ITPR3: variants seen among roughly 807,000 people sequenced by gnomAD.
The protein encoded by ITPR3 is inositol 1,4,5-trisphosphate-gated calcium channel ITPR3.
Under a neutral mutation model 293.2 loss-of-function variants are expected in ITPR3, and 173 were observed. That is an observed-to-expected ratio of 0.59 (90% CI 0.52 to 0.67). The LOEUF (loss-of-function observed/expected upper bound fraction) is 0.67. Ranked by LOEUF, ITPR3 falls within the 30% of genes least tolerant of loss-of-function variation. ITPR3 has a pLI of 0.00. For synonymous variants in ITPR3, 1,295 were observed against 1,444.4 expected (o/e 0.90, Z 2.35); for missense variants, 2,796 against 3,592.1 (o/e 0.78, Z 5.66).
At position 33,657,988 on chromosome 6, in the gene ITPR3, G is replaced by C. The variant is rs1254739287; in HGVS notation, c.339G>C (p.Gly113=). The change falls in exon 4 of 58, where the codon GGG becomes GGC. Residue 113 remains glycine, a synonymous_variant. Coordinates refer to ENST00000605930, the MANE Select transcript of ITPR3 (RefSeq NM_002224.4). ...QNDTENKKVH[G]DVVKYGSVIQ... Reference sequence around the variant, plus strand: ...ACACGGAGAACAAGAAGGTGCATGGGGATGTCGTGAAGTATGGCAGTGTGA... The same window carrying C: ...ACACGGAGAACAAGAAGGTGCATGGCGATGTCGTGAAGTATGGCAGTGTGA... 6 of 1,613,818 alleles carry C rather than the reference G, an allele frequency of 3.7e-6. No homozygotes were observed. Among genetic ancestry groups the C allele is most frequent in the Non-Finnish European group, 5.1e-6 (6 of 1,179,916 alleles).
chr6:33,667,879 A>T lies in ITPR3; in HGVS notation c.1801A>T (p.Asn601Tyr), dbSNP rs1394112254. 1 of 1,614,012 alleles carries T rather than the reference A, an allele frequency of 6.2e-7. No individual in the cohort carries two copies. The highest frequency in any genetic ancestry group is 8.5e-7 in the Non-Finnish European group (1 of 1,180,006). Residue 601 changes from asparagine (N) to tyrosine (Y), a missense_variant, in exon 16 of 58, where the codon AAC becomes TAC. Around this residue, in one of 8 missense-constraint regions of ITPR3, gnomAD observed 955 missense variants for 1,180.8 expected, o/e 0.81. Transcript: ENST00000605930. The surrounding 1 kb of genome is among the most constrained non-coding windows in gnomAD (Gnocchi z 4.4). ...GGACACCATCACTGCCCTGCTGCAC[A>T]ACAACCGCAAGCTCCTGGAAAAGCA... ...AEDTITALLH[N>Y]NRKLLEKHIT...
At chr6:33,631,691 A>G (rs1218205021) in intron 1 of ITPR3, among the ~76,000 whole-genome samples, 5 of 152,214 alleles carry the variant, frequency 3.3e-5, no homozygotes, top group Non-Finnish European at 2.9e-5. Context: ...GCCTTCCACA[A>G]GAAGCTGGTG....
intron 33 of ITPR3, among the ~76,000 whole-genome samples, chr6:33,681,692 C>T (rs1010571851): frequency 2.0e-5 from 3 of 152,044 alleles, no homozygotes; most frequent in African/African-American, 7.3e-5. Flanking sequence ...GGGGTGGGAT[C>T]GTGCTTCTAA....
In ITPR3 at chr6:33,682,373, C is replaced by A. The variant is rs746684647; in HGVS notation, c.4477-151C>A. 3 of 895,898 alleles carry A rather than the reference C, an allele frequency of 3.3e-6. No homozygotes were observed. The highest frequency in any genetic ancestry group is 4.9e-6 in the Non-Finnish European group (3 of 612,754). The allele number at this position is 895,898 out of a possible 1,614,324, so 55.5% of individuals were successfully genotyped here. A position where few individuals can be genotyped will look rare whatever the true frequency, so the allele number is the denominator to read the frequency against. On this transcript the variant is annotated intron_variant, in intron 33 of 57. Transcript: ENST00000605930. This position sits in a 1 kb window ranked among gnomAD's most constrained non-coding sequence, Gnocchi z 5.4. Reference sequence around the variant, plus strand: ...TGCACTGCTGAAGGGAATACAAGTACCTTTTTCCAACTGGCACAGAGGCAC... The same window carrying A: ...TGCACTGCTGAAGGGAATACAAGTAACTTTTTCCAACTGGCACAGAGGCAC...
chr6:33,623,188 G>A (rs1763477535), intron 1 of ITPR3, among the ~76,000 whole-genome samples: 1 of 152,140 alleles, frequency 6.6e-6, no homozygotes. Context: ...GGGACTGGGA[G>A]GGACATAGGG....
intron 1 of ITPR3, among the ~76,000 whole-genome samples, chr6:33,627,132 A>G (rs1763565697): frequency 6.6e-6 from 1 of 152,152 alleles, no homozygotes; most frequent in Non-Finnish European, 1.5e-5. Context: ...TTGTGATTTC[A>G]TTGGAAGAAG....
chr6:33,662,018 G>C (rs1199547346), intron 7 of ITPR3, among the ~76,000 whole-genome samples: 4 of 53,484 alleles, frequency 7.5e-5, no homozygotes, highest in Admixed American at 4.5e-4. Context: ...AAAAAAAAAA[G>C]ACAGGATCCA....
At position 33,667,254 on chromosome 6, in the gene ITPR3, G is replaced by C. The variant is rs745663110; in HGVS notation, c.1677G>C (p.Val559=). 3 of 1,613,228 alleles carry C rather than the reference G, an allele frequency of 1.9e-6. No individual in the cohort carries two copies. The highest frequency in any genetic ancestry group is 1.7e-6 in the Non-Finnish European group (2 of 1,179,970). The change falls in exon 15 of 58, where the codon GTG becomes GTC. Residue 559 remains valine (V), a synonymous_variant. Coordinates refer to ENST00000605930, the MANE Select transcript of ITPR3 (RefSeq NM_002224.4). This position sits in a 1 kb window ranked among gnomAD's most constrained non-coding sequence, Gnocchi z 4.4. ...ACATGTTCCGCCTGTGCTACCGCGT[G>C]TTGCGGCATTCCCAGGAGGACTACC... ...YQHMFRLCYR[V]LRHSQEDYRK...
At chr6:33,671,141 A>G in intron 20 of ITPR3, 24 bp from the exon 21 acceptor site, 1 of 1,611,690 alleles carries the variant, frequency 6.2e-7, no homozygotes, top group Non-Finnish European at 8.5e-7. Context: ...CTCCCACCTC[A>G]CCTCGGCCAC....
chr6:33,673,307 G>A (rs528183245), intron 22 of ITPR3, among the ~76,000 whole-genome samples: 3 of 152,216 alleles, frequency 2.0e-5, no homozygotes, highest in East Asian at 1.9e-4. Context: ...TGAGTGGGCC[G>A]GGCGCAGGGG....
At chr6:33,674,162 C>T (rs776584451) in intron 23 of ITPR3, 46 bp from the exon 24 acceptor site, 3 of 1,610,140 alleles carry the variant, frequency 1.9e-6, no homozygotes, top group Non-Finnish European at 8.5e-7. Context: ...CCCCTCTTTC[C>T]CGGGCTGGGC....
In ITPR3 at chr6:33,688,345, A is replaced by G. The variant is rs748685078; in HGVS notation, c.6482A>G (p.Gln2161Arg). Reference protein sequence around the residue: ...TKHRLFTTTEQDEQGSKVSDF... With the variant: ...TKHRLFTTTERDEQGSKVSDF... The stretch of plus-strand genomic sequence containing the variant: ...CACCGGCTCTTCACCACTACTGAGC[A>G]GGACGAGCAGGGCAGCAAAGTGAGC... The change falls in exon 48 of 58, where the codon CAG (glutamine) becomes CGG (arginine). Residue 2161 changes from glutamine (Q) to arginine (R), a missense_variant. Physicochemically the swap from Gln to Arg is conservative, Grantham distance 43. Coordinates refer to ENST00000605930, the MANE Select transcript of ITPR3 (RefSeq NM_002224.4). 9.9e-6 allele frequency: 16 copies of G among 1,613,214 alleles called. No individual in the cohort carries two copies. The highest frequency in any genetic ancestry group is 8.5e-7 in the Non-Finnish European group (1 of 1,179,708).
chr6:33,674,234 G>C lies in ITPR3; in HGVS notation c.3085G>C (p.Gly1029Arg). Residue 1029 changes from glycine (G) to arginine (R), a missense_variant, in exon 24 of 58, where the codon GGG becomes CGG. Physicochemically the swap from Gly to Arg is moderately radical, Grantham distance 125. Coordinates refer to ENST00000605930, the MANE Select transcript of ITPR3 (RefSeq NM_002224.4). ...TTANMNLDRI[G>R]EQAEAMFGVG... ...TGCCAACATGAACCTGGATCGCATC[G>C]GGGAGCAGGCGGAGGCCATGTTTGG... 1 of 1,614,090 alleles carries C rather than the reference G, an allele frequency of 6.2e-7. No individual in the cohort carries two copies. Among genetic ancestry groups the C allele is most frequent in the Non-Finnish European group, 8.5e-7 (1 of 1,180,000 alleles).
chr6:33,639,036 G>A (rs1056047719), intron 1 of ITPR3, among the ~76,000 whole-genome samples: 3 of 148,912 alleles, frequency 2.0e-5, no homozygotes, highest in African/African-American at 7.3e-5. Flanking sequence ...GTAGAGTTGG[G>A]GCAAGGAAAT....
rs757012889 is a variant in ITPR3 at position 33,658,993 on chromosome 6, A to C, written c.529-28A>C. 4.3e-6 allele frequency: 7 copies of C among 1,612,810 alleles called. No homozygotes were observed. Among genetic ancestry groups the C allele is most frequent in the Non-Finnish European group, 5.9e-6 (7 of 1,179,024 alleles). On this transcript the variant is annotated intron_variant, in intron 5 of 57. Transcript: ENST00000605930. This position sits in a 1 kb window ranked among gnomAD's most constrained non-coding sequence, Gnocchi z 6.1. Reference sequence around the variant, plus strand: ...GTGACAAGAGGGCCCTGCCCTTCCCACCTAACCTGTCCCACCTGTCTGCTC... The same window carrying C: ...GTGACAAGAGGGCCCTGCCCTTCCCCCCTAACCTGTCCCACCTGTCTGCTC...
In ITPR3 at chr6:33,666,920, G is replaced by T. The variant is rs574906870; in HGVS notation, c.1552-209G>T. Among the ~76,000 whole-genome samples the T allele has an allele frequency of 2.0e-5, 3 of 152,268 alleles. No individual in the cohort carries two copies. The highest frequency in any genetic ancestry group is 4.8e-5 in the African/African-American group (2 of 41,558). ...CCGCATCAGGGAGGGATAGGCTGGG[G>T]TCAGCTTCGGGATTCCAACAAGGAG... On this transcript the variant is annotated intron_variant, in intron 14 of 57. Coordinates refer to ENST00000605930, the MANE Select transcript of ITPR3 (RefSeq NM_002224.4). The surrounding 1 kb of genome is among the most constrained non-coding windows in gnomAD (Gnocchi z 5.1).
chr6:33,658,943 G>C lies in ITPR3; in HGVS notation c.529-78G>C. On this transcript the variant is annotated intron_variant, in intron 5 of 57. Transcript: ENST00000605930. This position sits in a 1 kb window ranked among gnomAD's most constrained non-coding sequence, Gnocchi z 6.1. Reference sequence around the variant, plus strand: ...CCCATTTCTTAGAAGGGCAGACTGAGACCAAAGGGAGGCCTGGAGGCGTGG... The same window carrying C: ...CCCATTTCTTAGAAGGGCAGACTGACACCAAAGGGAGGCCTGGAGGCGTGG... 2 of 1,599,980 alleles carry C rather than the reference G, an allele frequency of 1.3e-6. No individual in the cohort carries two copies. The highest frequency in any genetic ancestry group is 1.7e-6 in the Non-Finnish European group (2 of 1,168,520).
intron 16 of ITPR3, 58 bp downstream of exon 16, chr6:33,668,022 T>G (rs1582138125): frequency 1.3e-6 from 2 of 1,575,800 alleles, no homozygotes; most frequent in Admixed American, 1.7e-5. Flanking sequence ...CTTGCCTGGG[T>G]AGAAACTCTG....
Position 33,687,416 on chromosome 6 carries a change from C to A in ITPR3, c.6178-62C>A. The A allele has an allele frequency of 6.6e-7, 1 of 1,522,654 alleles. No homozygotes were observed. Among genetic ancestry groups the A allele is most frequent in the Non-Finnish European group, 9.0e-7 (1 of 1,114,762 alleles). The allele number at this position is 1,522,654 out of a possible 1,614,324, so 94.3% of individuals were successfully genotyped here. A position where few individuals can be genotyped will look rare whatever the true frequency, so the allele number is the denominator to read the frequency against. On this transcript the variant is annotated intron_variant, in intron 45 of 57. Coordinates refer to ENST00000605930, the MANE Select transcript of ITPR3 (RefSeq NM_002224.4). The surrounding 1 kb of genome is among the most constrained non-coding windows in gnomAD (Gnocchi z 5.3). ...CATCATCCCCCAGTCGCCATTGTCG[C>A]CCCCCAGCCACCATGTCCCCCAGCC...
Sources: allele counts gnomAD v4.1 joint callset (sites outside exome capture counted in the v4.1 genomes callset), GRCh38; gene constraint gnomAD v4.1.1; regional missense constraint gnomAD v4.1.1; non-coding constraint Gnocchi (gnomAD v3.1); transcripts MANE v1.5; gene names NCBI Gene and HGNC (gene_info 2026-07-23, HGNC 2026-07-21).